Variants in MLLT6 observed in about 807,000 individuals in gnomAD.
The protein encoded by MLLT6 is MLLT6, PHD finger containing, also known as protein AF-17.
MLLT6 carries 22 observed loss-of-function variants against 103.0 expected under a neutral mutation model. That is an observed-to-expected ratio of 0.21 (90% CI 0.15 to 0.31). The LOEUF is 0.31. MLLT6 is among the 10% of genes least tolerant of loss of function. The pLI is 1.00. For synonymous variants in MLLT6, 606 were observed against 623.5 expected, an observed-to-expected ratio of 0.97 and a Z score of 0.42; for missense variants, 1,199 against 1,441.7, an observed-to-expected ratio of 0.83 and a Z score of 2.73.
At position 38,716,152 on chromosome 17, in the gene MLLT6, G is replaced by A. The variant is rs776382959; in HGVS notation, c.1037-215G>A. The A allele has an allele frequency of 2.0e-5, 12 of 609,686 alleles. No homozygotes were observed. The highest frequency in any genetic ancestry group is 3.1e-5 in the Non-Finnish European group (11 of 349,710). The allele number at this position is 609,686 out of a possible 1,614,324, so 37.8% of individuals were successfully genotyped here. A position where few individuals can be genotyped will look rare whatever the true frequency, so the allele number is the denominator to read the frequency against. On this transcript the variant is annotated intron_variant, in intron 9 of 19. Transcript: ENST00000621332. The surrounding 1 kb of genome is among the most constrained non-coding windows in gnomAD (Gnocchi z 5.6). Reference sequence around the variant, plus strand: ...TCGCTACAGTCATCTGGTGAGGCCAGTAGGGTGCGAGTTACTCTCCCCCAT... The same window carrying A: ...TCGCTACAGTCATCTGGTGAGGCCAATAGGGTGCGAGTTACTCTCCCCCAT...
chr17:38,707,746 C>T lies in MLLT6; in HGVS notation c.245-17C>T, dbSNP rs767454835. 10 of 1,535,458 alleles carry T rather than the reference C, an allele frequency of 6.5e-6. No homozygotes were observed. In the African/African-American group the frequency reaches 8.2e-5, roughly 13 times the overall value. On this transcript the variant is annotated splice_polypyrimidine_tract_variant and intron_variant, in intron 3 of 19. Coordinates refer to ENST00000621332, the MANE Select transcript of MLLT6 (RefSeq NM_005937.4). ...GGCTTGCCATCTGCAGCTGAGGCTA[C>T]CCCCACACTGCCCCAGGCTGGGCAC...
chr17:38,710,307 CTCTGTG>C (rs1157662496), intron 6 of MLLT6, among the ~76,000 whole-genome samples: 2 of 152,152 alleles, frequency 1.3e-5, no homozygotes, highest in Admixed American at 6.5e-5. Flanking sequence ...AAGGGTGCTA[CTCTGTG>C]TCTGTGTTTG....
rs373039425 is a variant in MLLT6, at chr17:38,715,644, C to T, written c.852C>T (p.His284=). ...CCTCGGCTTCCTCTTCCTCCCACCA[C>T]GAGGCCAGCACGCAGGAGACCTCTG... is the stretch of plus-strand genomic sequence containing the variant. ...VSSSASSSSH[H]EASTQETSES... is the part of the protein sequence containing the mutation. Residue 284 remains histidine (H), a synonymous_variant, in exon 9 of 20, where the codon CAC becomes CAT. Transcript: ENST00000621332. The T allele has an allele frequency of 4.0e-5, 65 of 1,613,564 alleles. 1 individual carries two copies. The East Asian group carries it at 7.3e-4, about 18-fold the overall frequency.
In MLLT6 at chr17:38,711,877, G is replaced by A. The variant is rs773317219; in HGVS notation, c.583G>A (p.Gly195Arg). 26 of 1,592,792 alleles carry A rather than the reference G, an allele frequency of 1.6e-5. No individual in the cohort carries two copies. The highest frequency in any genetic ancestry group is 4.5e-5 in the East Asian group (2 of 44,188). The change falls in exon 7 of 20, where the codon GGA (glycine) becomes AGA (arginine). Residue 195 changes from glycine to arginine, a missense_variant. By Grantham distance (125) the Gly-to-Arg change is moderately radical. Around this residue, in one of 7 missense-constraint regions of MLLT6, gnomAD observed 1,034 missense variants for 1,091.5 expected, o/e 0.95. Transcript: ENST00000621332. ...ATCCCGGCACAGCAGCGGGGGAGGC[G>A]GAGGAGGCGCTGGAGGAGGAGGTGG... ...KTSRHSSGGG[G>R]GGAGGGGGSM...
In MLLT6 at chr17:38,715,733, A is replaced by T; in HGVS notation, c.941A>T (p.Lys314Ile). 1 of 1,614,140 alleles carries T rather than the reference A, an allele frequency of 6.2e-7. No homozygotes were observed. Among genetic ancestry groups the T allele is most frequent in the Non-Finnish European group, 8.5e-7 (1 of 1,180,012 alleles). Residue 314 changes from lysine (K) to isoleucine (I), a missense_variant, in exon 9 of 20, where the codon AAA becomes ATA. Physicochemically the swap from Lys to Ile is moderately radical, Grantham distance 102 (BLOSUM62 -3). Transcript: ENST00000621332. Reference sequence around the variant, plus strand: ...CATAGCCTGAGTCATAAAGGGAAGAAACTGAGCAGTGGGAAAGGTGTGAGC... The same window carrying T: ...CATAGCCTGAGTCATAAAGGGAAGATACTGAGCAGTGGGAAAGGTGTGAGC... Reference protein sequence around the residue: ...SSHSLSHKGKKLSSGKGVSSF... With the variant: ...SSHSLSHKGKILSSGKGVSSF...
chr17:38,721,553 T>C (rs1319562877), intron 16 of MLLT6, among the ~76,000 whole-genome samples: 1 of 152,176 alleles, frequency 6.6e-6, no homozygotes, highest in Non-Finnish European at 1.5e-5. Context: ...AATCAATGGC[T>C]TCACCCATAA....
chr17:38,725,212 C>G (rs2143715473), intron 19 of MLLT6: 1 of 532,398 alleles, frequency 1.9e-6, no homozygotes, highest in Non-Finnish European at 3.3e-6. Flanking sequence ...AGAAAACAGC[C>G]TTCCTCCGGG....
At chr17:38,721,423 A>G (rs1905730557) in intron 16 of MLLT6, among the ~76,000 whole-genome samples, 1 of 152,216 alleles carries the variant, frequency 6.6e-6, no homozygotes, top group South Asian at 2.1e-4. Context: ...GAGTGAGTAA[A>G]CTAAGACAGG....
rs371308703 is a variant in MLLT6, at chr17:38,707,473, C to T, written c.190-13C>T. On this transcript the variant is annotated splice_polypyrimidine_tract_variant and intron_variant, in intron 2 of 19. Transcript: ENST00000621332. ...GCAGATCCCCCAACCCCTGTGCACT[C>T]TTGCATTGGCAGAGGTGTGAGCTGT... 2 of 1,613,956 alleles carry T rather than the reference C, an allele frequency of 1.2e-6. No homozygotes were observed. Among genetic ancestry groups the T allele is most frequent in the African/African-American group, 2.7e-5 (2 of 74,928 alleles).
chr17:38,715,514 G>A, intron 8 of MLLT6, 98 bp from the exon 9 acceptor site: 1 of 1,445,774 alleles, frequency 6.9e-7, no homozygotes, highest in Non-Finnish European at 9.1e-7. Flanking sequence ...GGCTCTCCCA[G>A]TTGAGCTAGG....
Position 38,717,777 on chromosome 17 carries a change from C to T in MLLT6, c.1834-68C>T, listed in dbSNP as rs562353888. On this transcript the variant is annotated intron_variant, in intron 11 of 19. Transcript: ENST00000621332. ...TCCCCAGCACACCCGGCCCCCTGCA[C>T]CCCGGTACACACAGTTGTGCTCTAG... The T allele has an allele frequency of 3.5e-6, 5 of 1,442,228 alleles. No homozygotes were observed. In the Admixed American group the frequency reaches 5.1e-5, roughly 15 times the overall value. 89.3% of individuals were successfully genotyped at this position (1,442,228 alleles called of 1,614,324 possible). A position where few individuals can be genotyped will look rare whatever the true frequency, so the allele number is the denominator to read the frequency against.
chr17:38,709,225 C>T lies in MLLT6; in HGVS notation c.407C>T (p.Ala136Val). ...CGGGAGAGCAAGGCGGCCTCGGGAGCCTGCATGACCTGTAACCGCCATGGA... is the reference window on the plus strand; with the variant it reads ...CGGGAGAGCAAGGCGGCCTCGGGAGTCTGCATGACCTGTAACCGCCATGGA... ...QGRESKAASG[A>V]CMTCNRHGCR... The change falls in exon 5 of 20, where the codon GCC becomes GTC. Residue 136 changes from alanine to valine, a missense_variant. Ala to Val is a moderately conservative substitution (Grantham distance 64). This residue lies in a region of MLLT6 where 59 missense variants were observed against 135.1 expected (regional missense o/e 0.44). Coordinates refer to ENST00000621332, the MANE Select transcript of MLLT6 (RefSeq NM_005937.4). This position sits in a 1 kb window ranked among gnomAD's most constrained non-coding sequence, Gnocchi z 4.3. 1 of 1,612,808 alleles carries T rather than the reference C, an allele frequency of 6.2e-7. No individual in the cohort carries two copies. The highest frequency in any genetic ancestry group is 8.5e-7 in the Non-Finnish European group (1 of 1,179,546).
At position 38,709,608 on chromosome 17, in the gene MLLT6, A is replaced by G; in HGVS notation, c.552+33A>G. The G allele has an allele frequency of 6.5e-7, 1 of 1,547,430 alleles. No individual in the cohort carries two copies. The highest frequency in any genetic ancestry group is 8.9e-7 in the Non-Finnish European group (1 of 1,120,352). On this transcript the variant is annotated intron_variant, in intron 6 of 19. Coordinates refer to ENST00000621332, the MANE Select transcript of MLLT6 (RefSeq NM_005937.4). This position sits in a 1 kb window ranked among gnomAD's most constrained non-coding sequence, Gnocchi z 4.3. ...CTGGCGACCAGCGCATGAGCGGGTC[A>G]GTCAGCTGTGGTAAGATGGTTAGAG...
chr17:38,715,648 G>C lies in MLLT6; in HGVS notation c.856G>C (p.Ala286Pro). Residue 286 changes from alanine to proline, a missense_variant, in exon 9 of 20, where the codon GCC (alanine) becomes CCC (proline). Physicochemically the swap from Ala to Pro is conservative, Grantham distance 27. Transcript: ENST00000621332. ...SSASSSSHHE[A>P]STQETSESSR... ...GGCTTCCTCTTCCTCCCACCACGAG[G>C]CCAGCACGCAGGAGACCTCTGAGAG... 3.1e-6 allele frequency: 5 copies of C among 1,613,830 alleles called. No individual in the cohort carries two copies. The highest frequency in any genetic ancestry group is 4.2e-6 in the Non-Finnish European group (5 of 1,179,954).
chr17:38,720,962 G>C, intron 16 of MLLT6: 1 of 596,236 alleles, frequency 1.7e-6, no homozygotes, highest in Admixed American at 3.0e-5. Context: ...CCGGCACAGC[G>C]CTGCTTCTTA....
In MLLT6 at chr17:38,709,159, G is replaced by A. The variant is rs759354558; in HGVS notation, c.355-14G>A. 4.0e-5 allele frequency: 64 copies of A among 1,603,390 alleles called. No homozygotes were observed. The highest frequency in any genetic ancestry group is 5.2e-5 in the Non-Finnish European group (61 of 1,175,018). On this transcript the variant is annotated splice_polypyrimidine_tract_variant and intron_variant, in intron 4 of 19. Transcript: ENST00000621332. This position sits in a 1 kb window ranked among gnomAD's most constrained non-coding sequence, Gnocchi z 4.3. Reference sequence around the variant, plus strand: ...GCTCCCTGGAGGAGGGGACGATTGCGCTGTGTCCTGCAGACCTGTTACATC... The same window carrying A: ...GCTCCCTGGAGGAGGGGACGATTGCACTGTGTCCTGCAGACCTGTTACATC...
chr17:38,723,643 G>C (rs1905873906), intron 18 of MLLT6, among the ~76,000 whole-genome samples: 1 of 151,986 alleles, frequency 6.6e-6, no homozygotes. Context: ...ATATTATTTT[G>C]GTTTCTGGGA....
intron 3 of MLLT6, 75 bp from the exon 4 acceptor site, chr17:38,707,688 C>A: frequency 8.2e-7 from 1 of 1,223,178 alleles, no homozygotes; most frequent in South Asian, 1.2e-5. Context: ...AGGGAACAGT[C>A]TGCAGCGTGG....
chr17:38,722,634 T>TGGGGGGGGGGG, intron 17 of MLLT6, 44 bp from the exon 18 acceptor site: 2 of 532,154 alleles, frequency 3.8e-6, no homozygotes, highest in Non-Finnish European at 3.6e-6. Context: ...CCCTCCCCCA[T>TGGGGGGGGGGG]GGTCTGTGTG....
Sources: gnomAD v4.1 joint callset for allele counts (sites outside exome capture counted in the v4.1 genomes callset) on GRCh38, gnomAD v4.1.1 for gene constraint, gnomAD v4.1.1 regional missense constraint, Gnocchi (gnomAD v3.1) non-coding constraint, MANE v1.5 for transcripts, NCBI Gene and HGNC (gene_info 2026-07-23, HGNC 2026-07-21) for gene names.